The following MTM1 variants were observed in gnomAD, a reference collection of about 807,000 sequenced individuals.
The protein encoded by MTM1 is myotubularin 1.
A neutral mutation model predicts 52.1 loss-of-function variants in MTM1; 9 were observed. The ratio of observed to expected loss-of-function variants is 0.17; its 90% confidence interval spans 0.10 to 0.30. The LOEUF is 0.30. MTM1 is among the 10% of genes least tolerant of loss of function. The pLI, the probability that MTM1 is intolerant of heterozygous loss-of-function variation, is 1.00. For synonymous variants in MTM1, 136 were observed against 163.8 expected, an observed-to-expected ratio of 0.83 and a Z score of 1.29; for missense variants, 277 against 470.7, an observed-to-expected ratio of 0.59 and a Z score of 3.81.
rs1039630130 is a variant in MTM1, at chrX:150,658,645, T to A, written c.1260+618T>A. Among the ~76,000 whole-genome samples, 3 of 111,081 alleles carry A rather than the reference T, an allele frequency of 2.7e-5. No individual in the cohort carries two copies. In the Admixed American group the frequency reaches 2.9e-4, roughly 11 times the overall value. On this transcript the variant is annotated intron_variant, in intron 11 of 14. Transcript: ENST00000370396. ...TTTTAATGAAATCATCAAAAGAACA[T>A]ACTAAAATTCATATTCCTAGGTCTT...
At chrX:150,604,371 G>A (rs1569565408) in intron 4 of MTM1, among the ~76,000 whole-genome samples, 2 of 111,282 alleles carry the variant, frequency 1.8e-5, no homozygotes, top group African/African-American at 6.5e-5. Context: ...CAAAGCAGAC[G>A]CTACCCTAGC....
chrX:150,620,789 T>A (rs2039465552), intron 6 of MTM1, among the ~76,000 whole-genome samples: 1 of 111,244 alleles, frequency 9.0e-6, no homozygotes, highest in Admixed American at 9.5e-5. Context: ...GTCCAATGAG[T>A]CTAACCCTCA....
intron 1 of MTM1, among the ~76,000 whole-genome samples, chrX:150,569,392 G>A (rs1402384095): frequency 1.8e-5 from 2 of 113,097 alleles, no homozygotes; most frequent in East Asian, 5.5e-4. Context: ...AAGTGAATCT[G>A]CTGCAAAAAT....
At chrX:150,641,929 A>G (rs149796563) in intron 8 of MTM1, among the ~76,000 whole-genome samples, 1 of 111,547 alleles carries the variant, frequency 9.0e-6, no homozygotes, top group Non-Finnish European at 1.9e-5. Flanking sequence ...TATTCCAGAC[A>G]CTATCCATAC....
intron 4 of MTM1, among the ~76,000 whole-genome samples, chrX:150,610,409 CAG>C (rs1227303676): frequency 6.8e-5 from 7 of 103,552 alleles, no homozygotes; most frequent in Non-Finnish European, 8.1e-5. Flanking sequence ...CAGACAGAGA[CAG>C]AGAGAGAGAG....
In MTM1 at chrX:150,624,082, C is replaced by T. The variant is rs976307097; in HGVS notation, c.444+4943C>T. Among the ~76,000 whole-genome samples the T allele has an allele frequency of 6.3e-4, 70 of 111,157 alleles. 1 individual carries two copies. Among genetic ancestry groups the T allele is most frequent in the African/African-American group, 2.2e-3 (68 of 30,487 alleles). Reference sequence around the variant, plus strand: ...CCTCCTGTCCCATTAGTATTTTCACCACTCAGTGTTTTCAAGTCACGACTT... The same window carrying T: ...CCTCCTGTCCCATTAGTATTTTCACTACTCAGTGTTTTCAAGTCACGACTT... On this transcript the variant is annotated intron_variant, in intron 6 of 14. Coordinates refer to ENST00000370396, the MANE Select transcript of MTM1 (RefSeq NM_000252.3).
At chrX:150,627,618 C>A (rs1557413448) in intron 6 of MTM1, among the ~76,000 whole-genome samples, 3 of 111,773 alleles carry the variant, frequency 2.7e-5, no homozygotes, top group Non-Finnish European at 1.9e-5. Flanking sequence ...TAATATGCAT[C>A]TGATGATTAC....
intron 14 of MTM1, among the ~76,000 whole-genome samples, chrX:150,670,140 C>T (rs782000723): frequency 4.5e-5 from 5 of 112,324 alleles, no homozygotes; most frequent in Non-Finnish European, 7.5e-5. Context: ...TAAATGTATA[C>T]GTATGTCAAG....
chrX:150,569,901 C>G (rs1360972630), intron 1 of MTM1, among the ~76,000 whole-genome samples: 1 of 111,951 alleles, frequency 8.9e-6, no homozygotes, highest in African/African-American at 3.3e-5. Flanking sequence ...TTCTGAATGG[C>G]TTTTGGCTGC....
At chrX:150,663,754 A>T (rs1557414822) in intron 14 of MTM1, 145 bp downstream of exon 14, 6 of 531,957 alleles carry the variant, frequency 1.1e-5, no homozygotes, top group African/African-American at 4.8e-5. Flanking sequence ...CTTAATTTAA[A>T]TTTTTTTTAA....
intron 1 of MTM1, among the ~76,000 whole-genome samples, chrX:150,581,599 G>A (rs1211037388): frequency 3.6e-5 from 4 of 111,477 alleles, no homozygotes; most frequent in African/African-American, 1.3e-4. Flanking sequence ...GTGACCATCA[G>A]ATTTTATCAC....
At chrX:150,623,499 A>T (rs2039515759) in intron 6 of MTM1, among the ~76,000 whole-genome samples, 1 of 111,358 alleles carries the variant, frequency 9.0e-6, no homozygotes, top group Non-Finnish European at 1.9e-5. Flanking sequence ...TAGTTGGTTT[A>T]AAAAAGAGTG....
At chrX:150,586,227 AC>A (rs1557412247) in intron 1 of MTM1, among the ~76,000 whole-genome samples, 1 of 112,275 alleles carries the variant, frequency 8.9e-6, no homozygotes, top group Non-Finnish European at 1.9e-5. Context: ...ATTTGAAGTG[AC>A]CAAGACAAAT....
chrX:150,651,997 G>A (rs1557414221), intron 10 of MTM1, among the ~76,000 whole-genome samples: 1 of 110,948 alleles, frequency 9.0e-6, no homozygotes. Flanking sequence ...TGGTGGGTGT[G>A]AGTGAGAAAA....
intron 13 of MTM1, 97 bp downstream of exon 13, chrX:150,660,581 G>T: frequency 1.8e-6 from 1 of 558,185 alleles, no homozygotes; most frequent in Non-Finnish European, 3.1e-6. Flanking sequence ...GTAAGACACT[G>T]TCTTTGACCT....
chrX:150,658,128 G>A lies in MTM1; in HGVS notation c.1260+101G>A, dbSNP rs1017946868. 1.9e-5 allele frequency: 14 copies of A among 732,099 alleles called. No homozygotes were observed. In the African/African-American group the frequency reaches 2.4e-4, roughly 12 times the overall value. The allele number at this position is 732,099 out of a possible 1,213,427, so 60.3% of individuals were successfully genotyped here. A position where few individuals can be genotyped will look rare whatever the true frequency, so the allele number is the denominator to read the frequency against. ...TTCAGTATTACAATGAAAATCTGAG[G>A]AGTGTAATAAAAACTTTACGCGTTT... On this transcript the variant is annotated intron_variant, in intron 11 of 14. Coordinates refer to ENST00000370396, the MANE Select transcript of MTM1 (RefSeq NM_000252.3).
intron 2 of MTM1, among the ~76,000 whole-genome samples, chrX:150,595,089 G>C (rs1268579594): frequency 9.1e-6 from 1 of 110,409 alleles, no homozygotes. Flanking sequence ...ACCCCTCTTT[G>C]ACAGCTTATA....
chrX:150,671,746 T>C lies in MTM1; in HGVS notation c.*151T>C. On this transcript the variant is annotated 3_prime_UTR_variant, in exon 15 of 15. Transcript: ENST00000370396. ...ACTCTTGAATATGTGCCTTCTAGAA[T>C]ACATATTACAAGAAAACTACAGGGT... 1.7e-6 allele frequency: 1 copy of C among 602,511 alleles called. No homozygotes were observed. Among genetic ancestry groups the C allele is most frequent in the East Asian group, 3.6e-5 (1 of 27,931 alleles). The allele number at this position is 602,511 out of a possible 1,213,427, so 49.7% of individuals were successfully genotyped here.
At chrX:150,574,791 A>G (rs1241417525) in intron 1 of MTM1, among the ~76,000 whole-genome samples, 3 of 112,095 alleles carry the variant, frequency 2.7e-5, no homozygotes, top group African/African-American at 9.7e-5. Flanking sequence ...TTCACTGTCA[A>G]TGCTTAAATA....
Sources: gnomAD v4.1 joint callset for allele counts (sites outside exome capture counted in the v4.1 genomes callset) on GRCh38, gnomAD v4.1.1 for gene constraint, MANE v1.5 for transcripts, NCBI Gene and HGNC (gene_info 2026-07-23, HGNC 2026-07-21) for gene names.